The following PCDHA2 variants were observed in gnomAD, a reference collection of about 807,000 sequenced individuals.
The protein encoded by PCDHA2 is protocadherin alpha 2.
In PCDHA2, 58 loss-of-function variants were observed where a neutral mutation model predicts 66.0. The ratio of observed to expected loss-of-function variants is 0.88; its 90% CI spans 0.71 to 1.09. The LOEUF is 1.09. Among genes scored for constraint, PCDHA2 ranks in the 50% least tolerant of loss-of-function variants. PCDHA2 has a pLI of 0.00. For synonymous variants in PCDHA2, 634 were observed against 554.0 expected, an observed-to-expected ratio of 1.14 and a Z score of -2.03; for missense variants, 1,267 against 1,242.3, an observed-to-expected ratio of 1.02 and a Z score of -0.30.
chr5:140,970,752 T>A (rs1324041619), intron 1 of PCDHA2, among the ~76,000 whole-genome samples: 1 of 152,244 alleles, frequency 6.6e-6, no homozygotes, highest in Non-Finnish European at 1.5e-5. Context: ...CAATATATTT[T>A]CATTGACATA....
chr5:140,934,534 GTTCTAA>G (rs1488792046), intron 1 of PCDHA2, among the ~76,000 whole-genome samples: 7 of 152,064 alleles, frequency 4.6e-5, no homozygotes, highest in Non-Finnish European at 7.4e-5. Flanking sequence ...GAGAGCTACC[GTTCTAA>G]TTCTATCATT....
rs374379905 is a variant in PCDHA2 at position 140,797,193 on chromosome 5, C to A, written c.2229C>A (p.Ser743Arg). 6.2e-7 allele frequency: 1 copy of A among 1,614,160 alleles called. No homozygotes were observed. The highest frequency in any genetic ancestry group is 8.5e-7 in the Non-Finnish European group (1 of 1,180,040). ...APGKPTLVCS[S>R]AVGSWSYSQQ... is the part of the protein sequence containing the mutation. Reference sequence around the variant, plus strand: ...GAAAGCCCACGCTGGTGTGCTCCAGCGCCGTGGGGAGCTGGTCTTACTCGC... The same window carrying A: ...GAAAGCCCACGCTGGTGTGCTCCAGAGCCGTGGGGAGCTGGTCTTACTCGC... Residue 743 changes from serine to arginine, a missense_variant, in exon 1 of 4, where the codon AGC (serine) becomes AGA (arginine). Physicochemically the swap from Ser to Arg is moderately radical, Grantham distance 110. Coordinates refer to ENST00000526136, the MANE Select transcript of PCDHA2 (RefSeq NM_018905.3).
In PCDHA2 at chr5:140,990,870, T is replaced by G. The variant is rs550033552; in HGVS notation, c.2536+8307T>G. Among the ~76,000 whole-genome samples, 16 of 152,274 alleles carry G rather than the reference T, an allele frequency of 1.1e-4. No individual in the cohort carries two copies. The South Asian group carries it at 3.3e-3, about 32-fold the overall frequency. On this transcript the variant is annotated intron_variant, in intron 3 of 3. Coordinates refer to ENST00000526136, the MANE Select transcript of PCDHA2 (RefSeq NM_018905.3). ...AGCCCTGAGGACATTGTATTTTAAG[T>G]GTATGTTCCAGTGAGTGGGTCGTTG...
chr5:140,925,878 ACCT>A (rs1554202987), intron 1 of PCDHA2, among the ~76,000 whole-genome samples: 1 of 151,658 alleles, frequency 6.6e-6, no homozygotes. Flanking sequence ...CTGGTTTATA[ACCT>A]CCTCTTTCAC....
chr5:140,871,382 A>C (rs781900960), intron 1 of PCDHA2: 1 of 1,614,070 alleles, frequency 6.2e-7, no homozygotes, highest in South Asian at 1.1e-5. Context: ...GTGTGCTCTG[A>C]GGAGGGCCCA....
intron 1 of PCDHA2, chr5:140,969,187 G>A (rs1469342094): frequency 1.2e-6 from 2 of 1,614,106 alleles, no homozygotes; most frequent in Non-Finnish European, 8.5e-7. Context: ...ACACTTTCAT[G>A]TTTTACAATA....
rs78283049 is a variant in PCDHA2 at position 140,938,200 on chromosome 5, C to G, written c.2389-40749C>G. 2.3e-3 allele frequency among the ~76,000 whole-genome samples: 352 copies of G among 152,306 alleles called. 1 individual carries two copies. The highest frequency in any genetic ancestry group is 8.1e-3 in the African/African-American group (335 of 41,568). On this transcript the variant is annotated intron_variant, in intron 1 of 3. Coordinates refer to ENST00000526136, the MANE Select transcript of PCDHA2 (RefSeq NM_018905.3). ...GGCTCAAGCAATCCTCCCACGCCAG[C>G]CTCCCAAAGTGCTGGGATTACAGGC... is the stretch of plus-strand genomic sequence containing the variant.
At position 140,796,173 on chromosome 5, in the gene PCDHA2, T is replaced by C. The variant is rs1554119744; in HGVS notation, c.1209T>C (p.Asn403=). The change falls in exon 1 of 4, where the codon AAT becomes AAC. Residue 403 remains asparagine (N), a synonymous_variant. Transcript: ENST00000526136. ...VPFKLVSTFK[N]YYSLVLDSAL... ...TCAAGCTGGTGTCCACCTTCAAGAA[T>C]TACTACTCGTTGGTGCTGGACAGCG... 2 of 1,614,172 alleles carry C rather than the reference T, an allele frequency of 1.2e-6. No homozygotes were observed. Among genetic ancestry groups the C allele is most frequent in the Admixed American group, 1.7e-5 (1 of 60,032 alleles).
At chr5:140,974,098 T>C (rs1316262429) in intron 1 of PCDHA2, among the ~76,000 whole-genome samples, 1 of 152,262 alleles carries the variant, frequency 6.6e-6, no homozygotes, top group Non-Finnish European at 1.5e-5. Flanking sequence ...AATCAAAGGT[T>C]AAAAGTATTC....
At chr5:140,843,231 T>C in intron 1 of PCDHA2, 3 of 1,596,108 alleles carry the variant, frequency 1.9e-6, no homozygotes, top group South Asian at 1.1e-5. Flanking sequence ...ACTCGTGTCC[T>C]GGACGAAGCG....
At chr5:141,003,087 G>T (rs894210434) in intron 3 of PCDHA2, among the ~76,000 whole-genome samples, 2 of 152,198 alleles carry the variant, frequency 1.3e-5, no homozygotes, top group African/African-American at 4.8e-5. Context: ...AGTTTAACAG[G>T]CCTGGCATTT....
chr5:140,964,252 T>G (rs569615423), intron 1 of PCDHA2, among the ~76,000 whole-genome samples: 6 of 152,332 alleles, frequency 3.9e-5, no homozygotes, highest in African/African-American at 1.2e-4. Flanking sequence ...GGCTTTATAT[T>G]TGACTCCTTA....
rs73263815 is a variant in PCDHA2, at chr5:140,853,554, A to T, written c.2388+56202A>T. ...TCTTTTCAAGTTGTAATTACTATAT[A>T]GGAAAAACTAAGTTGTCACCCAATA... On this transcript the variant is annotated intron_variant, in intron 1 of 3. Transcript: ENST00000526136. 9,092 of 979,494 alleles carry T rather than the reference A, an allele frequency of 9.3e-3. 1,045 individuals carry two copies. In the African/African-American group the frequency reaches 0.15, roughly 16 times the overall value. The allele number at this position is 979,494 out of a possible 1,614,324, so 60.7% of individuals were successfully genotyped here.
chr5:140,831,844 G>T (rs2150197622), intron 1 of PCDHA2, among the ~76,000 whole-genome samples: 1 of 152,224 alleles, frequency 6.6e-6, no homozygotes, highest in South Asian at 2.1e-4. Flanking sequence ...TGATAGAATT[G>T]TCATAAAGCT....
intron 1 of PCDHA2, among the ~76,000 whole-genome samples, chr5:140,914,820 C>T (rs1277610128): frequency 6.6e-6 from 1 of 151,970 alleles, no homozygotes; most frequent in African/African-American, 2.4e-5. Flanking sequence ...TAACAGACTG[C>T]ATAAACAAAA....
intron 1 of PCDHA2, chr5:140,801,780 G>A (rs782302106): frequency 9.9e-6 from 16 of 1,613,718 alleles, no homozygotes; most frequent in Non-Finnish European, 1.3e-5. Context: ...CCTTGGACTC[G>A]TGTTGAAAAA....
At chr5:140,897,694 G>A (rs1091552) in intron 1 of PCDHA2, among the ~76,000 whole-genome samples, 2,266 of 152,206 alleles carry the variant, frequency 0.015, 53 homozygotes, top group African/African-American at 0.052. Context: ...AGTCCTTTGG[G>A]CATATACCCA....
intron 1 of PCDHA2, chr5:140,830,025 A>G (rs1770760911): frequency 6.2e-7 from 1 of 1,613,706 alleles, no homozygotes. Flanking sequence ...TCTCCGCGCC[A>G]CCGGCTGCTG....
chr5:140,857,165 G>A (rs1554149609), intron 1 of PCDHA2: 2 of 1,598,302 alleles, frequency 1.3e-6, no homozygotes, highest in African/African-American at 2.7e-5. Flanking sequence ...CCTAATCAGC[G>A]TTTCTGACCA....
Sources: gnomAD v4.1 joint callset for allele counts (sites outside exome capture counted in the v4.1 genomes callset) on GRCh38, gnomAD v4.1.1 for gene constraint, MANE v1.5 for transcripts, NCBI Gene and HGNC (gene_info 2026-07-23, HGNC 2026-07-21) for gene names.